ZBTB20: variants seen among roughly 807,000 people sequenced by gnomAD.
ZBTB20 encodes the protein zinc finger and BTB domain containing 20.
Under a neutral mutation model 56.9 loss-of-function variants are expected in ZBTB20, and 9 were observed. The observed-to-expected ratio is 0.16, with a 90% CI of 0.10 to 0.28. The LOEUF (loss-of-function observed/expected upper bound fraction) is 0.28. Ranked by LOEUF, ZBTB20 falls within the 10% of genes least tolerant of loss-of-function variation. ZBTB20 has a pLI of 1.00. For missense variants in ZBTB20, 655 were observed against 1,003.0 expected (o/e 0.65, Z 4.69); for synonymous variants, 417 against 420.7 (o/e 0.99, Z 0.11).
At chr3:114,932,872 C>G (rs1008995280) in intron 3 of ZBTB20, among the ~76,000 whole-genome samples, 1 of 152,188 alleles carries the variant, frequency 6.6e-6, no homozygotes. Flanking sequence ...GACCTTGCAC[C>G]CTTTTTTTGA....
At chr3:115,089,988 T>C (rs2083127992) in intron 1 of ZBTB20, among the ~76,000 whole-genome samples, 1 of 151,772 alleles carries the variant, frequency 6.6e-6, no homozygotes, top group African/African-American at 2.4e-5. Flanking sequence ...ATTTTAACAA[T>C]ATACCCTAGA....
chr3:114,824,185 G>A (rs187897164), intron 4 of ZBTB20, among the ~76,000 whole-genome samples: 15 of 152,094 alleles, frequency 9.9e-5, no homozygotes, highest in African/African-American at 3.6e-4. Flanking sequence ...AATACAACAT[G>A]AGCATAAATC....
intron 7 of ZBTB20, among the ~76,000 whole-genome samples, chr3:114,486,467 T>C (rs1265252995): frequency 6.6e-6 from 1 of 152,232 alleles, no homozygotes; most frequent in Non-Finnish European, 1.5e-5. Context: ...TGAAAGGTAC[T>C]GTTATAAAAC....
At chr3:114,423,877 T>C (rs919653371) in intron 7 of ZBTB20, among the ~76,000 whole-genome samples, 1 of 152,224 alleles carries the variant, frequency 6.6e-6, no homozygotes, top group Non-Finnish European at 1.5e-5. Flanking sequence ...AAATACTCTT[T>C]CATAAAATGT....
intron 5 of ZBTB20, among the ~76,000 whole-genome samples, chr3:114,786,148 T>A (rs1007522108): frequency 9.9e-5 from 15 of 152,096 alleles, no homozygotes; most frequent in African/African-American, 3.4e-4. Flanking sequence ...TTTTCTTTTT[T>A]AATTATTATT....
At chr3:114,419,945 C>T (rs541277289) in intron 7 of ZBTB20, among the ~76,000 whole-genome samples, 16 of 151,992 alleles carry the variant, frequency 1.1e-4, no homozygotes, top group Non-Finnish European at 2.2e-4. Flanking sequence ...TGGGCATGGC[C>T]CAGATCGCTC....
rs1223954346 is a variant in ZBTB20 at position 114,897,951 on chromosome 3, G to A, written c.-417+2353C>T. Among the ~76,000 whole-genome samples the A allele has an allele frequency of 2.6e-5, 4 of 152,082 alleles. No individual in the cohort carries two copies. The East Asian group carries it at 7.7e-4, about 29-fold the overall frequency. ...GGAACATTAGAATGATCTATCTAAA[G>A]CAAGTCTTAACTGTTCTATTTTGAC... On this transcript the variant is annotated intron_variant, in intron 4 of 11. Transcript: ENST00000675478.
intron 4 of ZBTB20, among the ~76,000 whole-genome samples, chr3:114,888,711 C>T (rs78854774): frequency 1.8e-3 from 279 of 152,150 alleles, no homozygotes; most frequent in Non-Finnish European, 3.3e-3. Context: ...ATACAGATCA[C>T]GGCTTGAGGC....
intron 6 of ZBTB20, among the ~76,000 whole-genome samples, chr3:114,672,309 A>G (rs1479320598): frequency 6.6e-6 from 1 of 152,138 alleles, no homozygotes; most frequent in Non-Finnish European, 1.5e-5. Flanking sequence ...TATTAAAAGA[A>G]CTTTTCTTGG....
In ZBTB20 at chr3:114,484,818, T is replaced by TGTGTGC. The variant is rs1553726459; in HGVS notation, c.-255+15533_-255+15534insGCACAC. 1.4e-4 allele frequency among the ~76,000 whole-genome samples: 21 copies of TGTGTGC among 148,814 alleles called. 1 individual carries two copies. Among genetic ancestry groups the TGTGTGC allele is most frequent in the African/African-American group, 4.3e-4 (17 of 39,192 alleles). On this transcript the variant is annotated intron_variant, in intron 7 of 11. Coordinates refer to ENST00000675478, the MANE Select transcript of ZBTB20 (RefSeq NM_001348800.3). Reference sequence around the variant, plus strand: ...AATAGAGTGTGTGTGTGTGTGTGTGTGCGCGTGCATGTGTGTGTGTGCGTG... The same window carrying TGTGTGC: ...AATAGAGTGTGTGTGTGTGTGTGTGTGTGTGCGCGCGTGCATGTGTGTGTGTGCGTG...
rs565162355 is a variant in ZBTB20, at chr3:115,055,382, C to A, written c.-507+15837G>T. ...AGATTATTCTTTAGATGACCACTGACCTGGTCAATATCTTCACTGCAACCT... is the reference window on the plus strand; with the variant it reads ...AGATTATTCTTTAGATGACCACTGAACTGGTCAATATCTTCACTGCAACCT... On this transcript the variant is annotated intron_variant, in intron 2 of 11. Coordinates refer to ENST00000675478, the MANE Select transcript of ZBTB20 (RefSeq NM_001348800.3). Among the ~76,000 whole-genome samples the A allele has an allele frequency of 1.4e-4, 21 of 152,164 alleles. No individual in the cohort carries two copies. The East Asian group carries it at 3.5e-3, about 25-fold the overall frequency.
At chr3:114,676,458 G>T (rs2061631095) in intron 6 of ZBTB20, among the ~76,000 whole-genome samples, 2 of 152,064 alleles carry the variant, frequency 1.3e-5, no homozygotes, top group African/African-American at 4.8e-5. Flanking sequence ...CATTATTATT[G>T]ATTTTTATCT....
intron 2 of ZBTB20, among the ~76,000 whole-genome samples, chr3:114,988,238 C>T (rs559108491): frequency 4.8e-4 from 70 of 144,398 alleles, no homozygotes; most frequent in African/African-American, 1.7e-3. Flanking sequence ...TAATGCTACC[C>T]CTCCCTCCCC....
intron 4 of ZBTB20, among the ~76,000 whole-genome samples, chr3:114,815,743 G>A (rs559034067): frequency 2.6e-5 from 4 of 151,644 alleles, no homozygotes; most frequent in Non-Finnish European, 2.9e-5. Flanking sequence ...ACACGCACAC[G>A]CACACACGAC....
intron 3 of ZBTB20, among the ~76,000 whole-genome samples, chr3:114,924,515 AT>A (rs1560404120): frequency 6.6e-6 from 1 of 152,214 alleles, no homozygotes; most frequent in Non-Finnish European, 1.5e-5. Context: ...AAAAAGGTGA[AT>A]CTCATTGCAA....
At chr3:115,125,860 A>AAATAT (rs2084316888) in intron 1 of ZBTB20, among the ~76,000 whole-genome samples, 1 of 152,190 alleles carries the variant, frequency 6.6e-6, no homozygotes, top group Admixed American at 6.5e-5. Context: ...TTTTACATGT[A>AAATAT]GAAAATAAAG....
chr3:114,947,002 T>C (rs2107885155), intron 3 of ZBTB20, among the ~76,000 whole-genome samples: 1 of 144,496 alleles, frequency 6.9e-6, no homozygotes, highest in Admixed American at 6.6e-5. Context: ...GCAAAAGACA[T>C]GAATAGCCAT....
intron 3 of ZBTB20, among the ~76,000 whole-genome samples, chr3:114,970,159 A>G (rs1467802043): frequency 1.3e-5 from 2 of 152,156 alleles, no homozygotes. Context: ...GTGTATTAGT[A>G]ACACTTCCTT....
chr3:114,617,827 T>C (rs1279904250), intron 6 of ZBTB20, among the ~76,000 whole-genome samples: 1 of 152,148 alleles, frequency 6.6e-6, no homozygotes, highest in Non-Finnish European at 1.5e-5. Context: ...TCCACAAAAC[T>C]TGCTTCTTCA....
Sources: allele counts gnomAD v4.1 joint callset (sites outside exome capture counted in the v4.1 genomes callset), GRCh38; gene constraint gnomAD v4.1.1; transcripts MANE v1.5; gene names NCBI Gene and HGNC (gene_info 2026-07-23, HGNC 2026-07-21).